RGL1: variants seen among roughly 807,000 people sequenced by gnomAD.
RGL1 encodes ral guanine nucleotide dissociation stimulator like 1.
A neutral mutation model predicts 95.2 loss-of-function variants in RGL1; 24 were observed. That is an observed-to-expected ratio of 0.25 (90% confidence interval 0.18 to 0.35). RGL1 has a LOEUF of 0.35. Ranked by LOEUF, RGL1 falls within the 10% of genes least tolerant of loss-of-function variation. The pLI is 1.00. For synonymous variants in RGL1, 329 were observed against 344.9 expected, an observed-to-expected ratio of 0.95 and a Z score of 0.51; for missense variants, 715 against 936.3, an observed-to-expected ratio of 0.76 and a Z score of 3.08.
intron 2 of RGL1, among the ~76,000 whole-genome samples, chr1:183,774,394 C>T (rs1480491419): frequency 6.6e-6 from 1 of 152,102 alleles, no homozygotes; most frequent in Non-Finnish European, 1.5e-5. Flanking sequence ...AACATCTAGT[C>T]TCGTTATAAA....
At chr1:183,728,409 C>T (rs890392311) in intron 1 of RGL1, among the ~76,000 whole-genome samples, 2 of 152,088 alleles carry the variant, frequency 1.3e-5, no homozygotes, top group African/African-American at 2.4e-5. Context: ...ATAGTTGGTT[C>T]TGCTCCTCTG....
chr1:183,771,783 G>C (rs1659285737), intron 2 of RGL1, among the ~76,000 whole-genome samples: 1 of 152,104 alleles, frequency 6.6e-6, no homozygotes, highest in Non-Finnish European at 1.5e-5. Context: ...TAAATGTTGC[G>C]TTTCCCAACA....
At chr1:183,917,737 A>C (rs1287241633) in intron 16 of RGL1, among the ~76,000 whole-genome samples, 1 of 152,226 alleles carries the variant, frequency 6.6e-6, no homozygotes, top group Non-Finnish European at 1.5e-5. Context: ...CATTATTCAC[A>C]ATGTGCAAAA....
At chr1:183,894,065 C>T (rs112235791) in intron 9 of RGL1, among the ~76,000 whole-genome samples, 145 of 152,286 alleles carry the variant, frequency 9.5e-4, no homozygotes, top group Middle Eastern at 3.4e-3. Context: ...TTACTGAGAT[C>T]GTGTTACTCC....
chr1:183,752,520 C>G (rs758219027), intron 2 of RGL1, among the ~76,000 whole-genome samples: 2 of 152,116 alleles, frequency 1.3e-5, no homozygotes, highest in Admixed American at 1.3e-4. Context: ...CCACTGTGCC[C>G]AGCCCAGATT....
chr1:183,755,883 C>CT (rs533584889), intron 2 of RGL1, among the ~76,000 whole-genome samples: 4,580 of 136,442 alleles, frequency 0.034, 197 homozygotes, highest in East Asian at 0.24. Flanking sequence ...TGAGTTCATT[C>CT]TTTTTTTTTT....
upstream of RGL1, among the ~76,000 whole-genome samples, chr1:183,801,316 A>G (rs1282310900): frequency 2.6e-5 from 4 of 151,824 alleles, no homozygotes; most frequent in Non-Finnish European, 4.4e-5. Flanking sequence ...AAAAATATCT[A>G]TTCGGGTGTT....
At chr1:183,903,308 G>A (rs926816939) in intron 12 of RGL1, among the ~76,000 whole-genome samples, 1 of 152,060 alleles carries the variant, frequency 6.6e-6, no homozygotes, top group Non-Finnish European at 1.5e-5. Flanking sequence ...TTTCCCTTTC[G>A]TGTCAGCATA....
intron 4 of RGL1, among the ~76,000 whole-genome samples, chr1:183,871,539 C>T (rs1294363389): frequency 1.3e-5 from 2 of 152,140 alleles, no homozygotes; most frequent in Non-Finnish European, 2.9e-5. Context: ...GAAAAATGCC[C>T]AAATATTGTT....
chr1:183,880,347 T>C (rs1222688988), intron 4 of RGL1, among the ~76,000 whole-genome samples: 2 of 150,590 alleles, frequency 1.3e-5, no homozygotes, highest in African/African-American at 4.9e-5. Context: ...TATGGGTTTT[T>C]CCAAAGTTTA....
At chr1:183,714,646 A>G (rs1431958013) in intron 1 of RGL1, among the ~76,000 whole-genome samples, 3 of 152,250 alleles carry the variant, frequency 2.0e-5, no homozygotes, top group African/African-American at 7.2e-5. Context: ...GTTAAGACTT[A>G]TGCCCTCTGA....
chr1:183,639,110 T>C (rs932587010), intron 1 of RGL1, among the ~76,000 whole-genome samples: 1 of 152,088 alleles, frequency 6.6e-6, no homozygotes, highest in Non-Finnish European at 1.5e-5. Flanking sequence ...GGAAACCCTG[T>C]CTCTACTAAA....
chr1:183,745,660 T>TA (rs976514028), intron 2 of RGL1, among the ~76,000 whole-genome samples: 1 of 151,828 alleles, frequency 6.6e-6, no homozygotes, highest in African/African-American at 2.4e-5. Context: ...ATTCTAGCTC[T>TA]AAAAAAAAGC....
At chr1:183,760,661 A>G (rs1244805171) in intron 2 of RGL1, among the ~76,000 whole-genome samples, 2 of 150,962 alleles carry the variant, frequency 1.3e-5, no homozygotes, top group Non-Finnish European at 2.9e-5. Context: ...AGAGGCTTGC[A>G]TGAACCTCAG....
chr1:183,733,303 G>T (rs1656741300), intron 1 of RGL1, among the ~76,000 whole-genome samples: 1 of 152,042 alleles, frequency 6.6e-6, no homozygotes, highest in African/African-American at 2.4e-5. Context: ...TCTTTGGGAG[G>T]GTTTTTCAGG....
chr1:183,706,846 A>G (rs2102159711), intron 1 of RGL1, among the ~76,000 whole-genome samples: 1 of 152,326 alleles, frequency 6.6e-6, no homozygotes, highest in South Asian at 2.1e-4. Context: ...TGTGGTTTGA[A>G]GGCTGTCGTC....
At chr1:183,668,934 TCTTTTC>T (rs1652233605) in intron 1 of RGL1, among the ~76,000 whole-genome samples, 1 of 131,018 alleles carries the variant, frequency 7.6e-6, no homozygotes, top group Non-Finnish European at 1.7e-5. Flanking sequence ...TATTGGACTT[TCTTTTC>T]TTTTTTTTTT....
rs141455545 is a variant in RGL1, at chr1:183,806,889, C to T, written c.138+404C>T. 2.8e-3 allele frequency among the ~76,000 whole-genome samples: 428 copies of T among 152,242 alleles called. 5 individuals are homozygous for T. Among genetic ancestry groups the T allele is most frequent in the African/African-American group, 9.7e-3 (403 of 41,542 alleles). On this transcript the variant is annotated intron_variant, in intron 2 of 17. Coordinates refer to ENST00000360851, the MANE Select transcript of RGL1 (RefSeq NM_001297671.3). Reference sequence around the variant, plus strand: ...GATGCTGTCAGCGTCTGCCTTGCTCCTATATCTCTAGGAGGTACCCAGATT... The same window carrying T: ...GATGCTGTCAGCGTCTGCCTTGCTCTTATATCTCTAGGAGGTACCCAGATT...
At chr1:183,809,896 G>A (rs902716094) in intron 2 of RGL1, among the ~76,000 whole-genome samples, 8 of 152,170 alleles carry the variant, frequency 5.3e-5, no homozygotes, top group African/African-American at 1.9e-4. Context: ...GGTCAAGGCT[G>A]TAGCGAGCCA....
Sources: allele counts gnomAD v4.1 joint callset (sites outside exome capture counted in the v4.1 genomes callset), GRCh38; gene constraint gnomAD v4.1.1; transcripts MANE v1.5; gene names NCBI Gene and HGNC (gene_info 2026-07-23, HGNC 2026-07-21).